PPM1D: variants seen among roughly 807,000 people sequenced by gnomAD.
The protein encoded by PPM1D is protein phosphatase, Mg2+/Mn2+ dependent 1D, also known as protein phosphatase 1D.
In PPM1D, 52 loss-of-function variants were observed where a neutral mutation model predicts 58.3. The observed-to-expected ratio is 0.89, with a 90% CI of 0.71 to 1.12. The LOEUF is 1.12. PPM1D is among the 50% of genes most tolerant of loss of function. PPM1D has a pLI of 0.00. For synonymous variants in PPM1D, 278 were observed against 285.1 expected (o/e 0.98, Z 0.25); for missense variants, 564 against 777.2 (o/e 0.73, Z 3.26).
intron 4 of PPM1D, among the ~76,000 whole-genome samples, chr17:60,652,242 C>T (rs998640653): frequency 6.6e-6 from 1 of 151,932 alleles, no homozygotes; most frequent in Non-Finnish European, 1.5e-5. Context: ...GAGATCATGT[C>T]TTTCTGTGCT....
chr17:60,651,059 G>A (rs1294229140), intron 4 of PPM1D, among the ~76,000 whole-genome samples: 1 of 152,196 alleles, frequency 6.6e-6, no homozygotes, highest in Non-Finnish European at 1.5e-5. Context: ...GAGAGACTCT[G>A]TGGTTTAAGA....
intron 1 of PPM1D, among the ~76,000 whole-genome samples, chr17:60,616,257 T>A (rs1428585993): frequency 7.1e-6 from 1 of 140,664 alleles, no homozygotes; most frequent in Non-Finnish European, 1.5e-5. Context: ...CACTGTACTG[T>A]AGCCTGGGCG....
intron 4 of PPM1D, among the ~76,000 whole-genome samples, chr17:60,654,483 G>A (rs1286569166): frequency 1.5e-5 from 2 of 132,506 alleles, no homozygotes; most frequent in Non-Finnish European, 3.3e-5. Flanking sequence ...CAGCCTGGGT[G>A]ACAGAGTGAG....
rs531364426 is a variant in PPM1D, at chr17:60,613,022, C to A, written c.473-10499C>A. Among the ~76,000 whole-genome samples the A allele has an allele frequency of 7.2e-4, 109 of 152,286 alleles. 4 individuals carry two copies. In the South Asian group the frequency reaches 0.022, roughly 31 times the overall value. On this transcript the variant is annotated intron_variant, in intron 1 of 5. Coordinates refer to ENST00000305921, the MANE Select transcript of PPM1D (RefSeq NM_003620.4). ...TCCAAAGTCTTGCACTTGGCCTTTT[C>A]TACCATAATAGGCTTCCTAACCTAT...
At chr17:60,614,390 G>A (rs562570148) in intron 1 of PPM1D, among the ~76,000 whole-genome samples, 70 of 152,042 alleles carry the variant, frequency 4.6e-4, no homozygotes, top group Non-Finnish European at 8.5e-4. Flanking sequence ...TAATCTAGTG[G>A]GGACTTGGAG....
intron 2 of PPM1D, among the ~76,000 whole-genome samples, chr17:60,624,042 C>T (rs757509950): frequency 4.6e-5 from 7 of 152,258 alleles, no homozygotes; most frequent in South Asian, 2.1e-4. Flanking sequence ...AGAATCTAGA[C>T]GGAGCAGCTC....
chr17:60,637,624 G>A (rs2031050654), intron 3 of PPM1D, among the ~76,000 whole-genome samples: 1 of 152,090 alleles, frequency 6.6e-6, no homozygotes, highest in Non-Finnish European at 1.5e-5. Flanking sequence ...TCAATTTGGG[G>A]GAGCCAGTAG....
At chr17:60,658,790 C>T (rs2031482802) in intron 5 of PPM1D, among the ~76,000 whole-genome samples, 1 of 151,882 alleles carries the variant, frequency 6.6e-6, no homozygotes, top group Non-Finnish European at 1.5e-5. Context: ...GGTGAAACCC[C>T]ATCTCTACTA....
chr17:60,630,877 T>A (rs1475064582), intron 2 of PPM1D, among the ~76,000 whole-genome samples: 1 of 152,240 alleles, frequency 6.6e-6, no homozygotes, highest in African/African-American at 2.4e-5. Context: ...AGGCAGAATG[T>A]TGGCATCTTA....
At chr17:60,622,924 C>T (rs2030735142) in intron 1 of PPM1D, among the ~76,000 whole-genome samples, 1 of 152,164 alleles carries the variant, frequency 6.6e-6, no homozygotes, top group African/African-American at 2.4e-5. Flanking sequence ...TGGCGAAACC[C>T]CATCTCTACT....
At position 60,601,025 on chromosome 17, in the gene PPM1D, G is replaced by T. The variant is rs1423321793; in HGVS notation, c.472+139G>T. ...ATGGAAGTGACTAAAAGCTGTAATA[G>T]CGCTTTGCTGGGTGGAGGTCCGGGC... On this transcript the variant is annotated intron_variant, in intron 1 of 5. Coordinates refer to ENST00000305921, the MANE Select transcript of PPM1D (RefSeq NM_003620.4). 4.6e-6 allele frequency: 6 copies of T among 1,293,894 alleles called. No individual in the cohort carries two copies. The South Asian group carries it at 7.4e-5, about 16-fold the overall frequency. 80.2% of individuals were successfully genotyped at this position (1,293,894 alleles called of 1,614,324 possible).
At chr17:60,656,472 A>AT in intron 4 of PPM1D, 127 bp from the exon 5 acceptor site, 2 of 1,298,906 alleles carry the variant, frequency 1.5e-6, no homozygotes, top group Non-Finnish European at 1.0e-6. Flanking sequence ...AAAAGAGAAA[A>AT]GAAAAAAAAA....
In PPM1D at chr17:60,633,858, T is replaced by C; in HGVS notation, c.707T>C (p.Met236Thr). 6.2e-7 allele frequency: 1 copy of C among 1,611,718 alleles called. No individual in the cohort carries two copies. Among genetic ancestry groups the C allele is most frequent in the Non-Finnish European group, 8.5e-7 (1 of 1,178,454 alleles). ...ERIEGLGGSVMNKSGVNRVVW... is the reference protein window; with the variant it reads ...ERIEGLGGSVTNKSGVNRVVW... Reference sequence around the variant, plus strand: ...TGTGAACTCTTTATTTTTAGTGTAATGAACAAGTCTGGGGTGAATCGTGTA... The same window carrying C: ...TGTGAACTCTTTATTTTTAGTGTAACGAACAAGTCTGGGGTGAATCGTGTA... Residue 236 changes from methionine to threonine, a missense_variant, in exon 3 of 6, where the codon ATG becomes ACG. This residue lies in a region of PPM1D where 95 missense variants were observed against 232.6 expected (regional missense o/e 0.41). Transcript: ENST00000305921.
chr17:60,626,716 T>A (rs572979737), intron 2 of PPM1D, among the ~76,000 whole-genome samples: 3 of 152,054 alleles, frequency 2.0e-5, no homozygotes, highest in Non-Finnish European at 4.4e-5. Context: ...TAAAAAAAAA[T>A]TTTAAGAAAT....
chr17:60,613,959 C>T (rs893875451), intron 1 of PPM1D, among the ~76,000 whole-genome samples: 11 of 151,972 alleles, frequency 7.2e-5, no homozygotes, highest in African/African-American at 1.9e-4. Flanking sequence ...CCCTGCTCCA[C>T]GGTGCCCGGT....
intron 3 of PPM1D, among the ~76,000 whole-genome samples, chr17:60,639,501 G>A (rs2031092825): frequency 1.3e-5 from 2 of 151,632 alleles, no homozygotes; most frequent in East Asian, 1.9e-4. Context: ...GCAGTGGCAC[G>A]ATCTCGGCTC....
At chr17:60,640,723 A>G (rs575019238) in intron 3 of PPM1D, among the ~76,000 whole-genome samples, 13 of 152,074 alleles carry the variant, frequency 8.5e-5, no homozygotes, top group South Asian at 4.1e-4. Flanking sequence ...CCCAGTGTCT[A>G]TTGTTGCCAT....
At chr17:60,631,109 C>T (rs1478427670) in intron 2 of PPM1D, among the ~76,000 whole-genome samples, 2 of 149,912 alleles carry the variant, frequency 1.3e-5, no homozygotes, top group African/African-American at 4.9e-5. Context: ...TTGGGAGGCC[C>T]GGATGGGAGG....
chr17:60,600,579 G>T lies in PPM1D; in HGVS notation c.165G>T (p.Pro55=). ...AGCCGTTGCCTCCGCGGCCGTCGCC[G>T]GCCGCCCTTCCCGGCGGCGAAGTCT... ...LSQPLPPRPS[P]AALPGGEVSG... Residue 55 remains proline, a synonymous_variant, in exon 1 of 6, where the codon CCG becomes CCT. Coordinates refer to ENST00000305921, the MANE Select transcript of PPM1D (RefSeq NM_003620.4). 3.9e-6 allele frequency: 6 copies of T among 1,553,304 alleles called. No homozygotes were observed. Among genetic ancestry groups the T allele is most frequent in the Non-Finnish European group, 5.2e-6 (6 of 1,149,458 alleles).
Sources: allele counts gnomAD v4.1 joint callset (sites outside exome capture counted in the v4.1 genomes callset), GRCh38; gene constraint gnomAD v4.1.1; regional missense constraint gnomAD v4.1.1; transcripts MANE v1.5; gene names NCBI Gene and HGNC (gene_info 2026-07-23, HGNC 2026-07-21).